The following NF1 variants were observed in gnomAD, a reference collection of about 807,000 sequenced individuals.
NF1 encodes the protein neurofibromin.
In NF1, 122 loss-of-function variants were observed where a neutral mutation model predicts 325.7. That is an observed-to-expected ratio of 0.37 (90% CI 0.32 to 0.44). The LOEUF (loss-of-function observed/expected upper bound fraction) is 0.44. Among genes scored for constraint, NF1 ranks in the 20% least tolerant of loss-of-function variants. NF1 has a pLI of 1.00. For missense variants in NF1, 2,140 were observed against 3,415.4 expected, an observed-to-expected ratio of 0.63 and a Z score of 9.31; for synonymous variants, 1,091 against 1,186.0, an observed-to-expected ratio of 0.92 and a Z score of 1.65.
intron 4 of NF1, among the ~76,000 whole-genome samples, chr17:31,168,623 A>G (rs1490072958): frequency 6.6e-6 from 1 of 151,878 alleles, no homozygotes; most frequent in Non-Finnish European, 1.5e-5. Context: ...GTTTCATTGG[A>G]TTCACGTTCA....
intron 1 of NF1, among the ~76,000 whole-genome samples, chr17:31,131,358 G>T (rs1217549500): frequency 6.6e-6 from 1 of 152,206 alleles, no homozygotes; most frequent in Non-Finnish European, 1.5e-5. Flanking sequence ...AGAGTGGGTT[G>T]CTGCTTCCCT....
rs764291252 is a variant in NF1, at chr17:31,334,976, A to G, written c.5951A>G (p.Asn1984Ser). ...ILDKLITMTI[N>S]EKQMYPSIQA... The stretch of plus-strand genomic sequence containing the variant: ...GACAAGCTGATAACAATGACCATCA[A>G]TGAAAAACAGATGTACCCATCTATT... The change falls in exon 40 of 58, where the codon AAT (asparagine) becomes AGT (serine). Residue 1984 changes from asparagine (N) to serine (S), a missense_variant. By Grantham distance (46) the Asn-to-Ser change is conservative. Around this residue, in one of 10 missense-constraint regions of NF1, gnomAD observed 180 missense variants for 435.1 expected, o/e 0.41. Transcript: ENST00000358273. The G allele has an allele frequency of 2.3e-5, 37 of 1,613,600 alleles. No homozygotes were observed. Among genetic ancestry groups the G allele is most frequent in the African/African-American group, 4.0e-5 (3 of 74,788 alleles).
chr17:31,367,409 A>C, intron 57 of NF1: 1 of 416,992 alleles, frequency 2.4e-6, no homozygotes, highest in South Asian at 2.3e-5. Context: ...GGAACTTGTA[A>C]AGCCACCACT....
chr17:31,158,958 T>G (rs564438272), intron 2 of NF1, 52 bp from the exon 3 acceptor site: 1 of 1,069,374 alleles, frequency 9.4e-7, no homozygotes, highest in South Asian at 1.3e-5. Context: ...GTGTGTTGAT[T>G]GGTAGCAGAA....
chr17:31,355,039 C>T (rs554655257), intron 51 of NF1, among the ~76,000 whole-genome samples: 4 of 152,224 alleles, frequency 2.6e-5, no homozygotes, highest in African/African-American at 4.8e-5. Flanking sequence ...GATATATTTT[C>T]AAGACATCTA....
At chr17:31,307,894 G>T (rs766071213) in intron 36 of NF1, 32 of 1,288,906 alleles carry the variant, frequency 2.5e-5, no homozygotes, top group Non-Finnish European at 1.0e-5. Context: ...TACCTTTTCA[G>T]CATATCTAAA....
chr17:31,159,263 T>A (rs1449112773), intron 3 of NF1, among the ~76,000 whole-genome samples, 170 bp downstream of exon 3: 1 of 152,214 alleles, frequency 6.6e-6, no homozygotes. Flanking sequence ...CAATTTTTCA[T>A]GAGAAAATTT....
intron 1 of NF1, among the ~76,000 whole-genome samples, chr17:31,103,399 C>T (rs552064796): frequency 6.6e-6 from 1 of 152,240 alleles, no homozygotes; most frequent in East Asian, 1.9e-4. Flanking sequence ...TGTGCCACCA[C>T]ACCCAGCTAA....
chr17:31,239,551 G>GT lies in NF1; in HGVS notation c.3974+3530_3974+3531insT, dbSNP rs367935654. On this transcript the variant is annotated intron_variant, in intron 29 of 57. Coordinates refer to ENST00000358273, the MANE Select transcript of NF1 (RefSeq NM_001042492.3). ...CAAAGAGCAATACCTAAAGCAAGAT[G>GT]GGGGGAGGAATCAGAAATCAATGAA... Among the ~76,000 whole-genome samples, 670 of 74,004 alleles carry GT rather than the reference G, an allele frequency of 9.1e-3. 16 individuals are homozygous for GT. Among genetic ancestry groups the GT allele is most frequent in the African/African-American group, 0.08 (641 of 7,966 alleles). 48.5% of individuals were successfully genotyped at this position (74,004 alleles called of 152,430 possible).
intron 39 of NF1, among the ~76,000 whole-genome samples, chr17:31,334,213 TGTGAACCC>T (rs1490998473): frequency 1.2e-4 from 5 of 42,584 alleles, no homozygotes; most frequent in Non-Finnish European, 3.9e-4. Flanking sequence ...GGTGTGAACC[TGTGAACCC>T]GGGAGGCGGA....
intron 51 of NF1, among the ~76,000 whole-genome samples, chr17:31,355,182 A>T (rs1886428016): frequency 6.6e-6 from 1 of 152,228 alleles, no homozygotes; most frequent in African/African-American, 2.4e-5. Flanking sequence ...TTCCAGGAAG[A>T]ATGCAGAGAA....
intron 1 of NF1, among the ~76,000 whole-genome samples, chr17:31,096,141 C>CCCT (rs1555594770): frequency 3.5e-5 from 5 of 144,608 alleles, no homozygotes; most frequent in African/African-American, 1.3e-4. Flanking sequence ...TCCCCCCCCC[C>CCCT]TTTTTTTTTT....
At chr17:31,258,977 A>G (rs1206012291) in intron 32 of NF1, 55 bp from the exon 33 acceptor site, 3 of 1,200,750 alleles carry the variant, frequency 2.5e-6, no homozygotes, top group African/African-American at 3.0e-5. Flanking sequence ...GTCTTAATGT[A>G]TAGACTTCAT....
Position 31,221,861 on chromosome 17 carries a change from T to G in NF1, c.1653T>G (p.Val551=). 1 of 1,605,828 alleles carries G rather than the reference T, an allele frequency of 6.2e-7. No homozygotes were observed. The highest frequency in any genetic ancestry group is 8.5e-7 in the Non-Finnish European group (1 of 1,178,660). Residue 551 remains valine (V), a synonymous_variant, in exon 15 of 58, where the codon GTT becomes GTG. Transcript: ENST00000358273. ...IAQEAMEALL[V]LHQLDSIDLW... ...TTTAAAAAATTCAGGCTCTGCTGGT[T>G]CTTCATCAGTTAGATAGCATTGATT...
intron 8 of NF1, among the ~76,000 whole-genome samples, chr17:31,194,416 G>T (rs1281730978): frequency 2.0e-5 from 3 of 151,936 alleles, no homozygotes; most frequent in African/African-American, 7.3e-5. Context: ...GGAACGATTT[G>T]TTAAAGGATT....
chr17:31,142,419 C>CAATG (rs1916284198), intron 1 of NF1, among the ~76,000 whole-genome samples: 1 of 152,168 alleles, frequency 6.6e-6, no homozygotes, highest in African/African-American at 2.4e-5. Flanking sequence ...CTCTCAAATA[C>CAATG]AATGACCTCA....
At chr17:31,269,520 A>G (rs1438875910) in intron 36 of NF1, among the ~76,000 whole-genome samples, 1 of 152,218 alleles carries the variant, frequency 6.6e-6, no homozygotes, top group African/African-American at 2.4e-5. Flanking sequence ...CAGAAATGCA[A>G]TTCAAATTTA....
intron 36 of NF1, among the ~76,000 whole-genome samples, chr17:31,302,825 A>T (rs1225598571): frequency 2.0e-5 from 3 of 152,190 alleles, no homozygotes. Context: ...AGCGTGGGCG[A>T]CAGAGTGAGA....
chr17:31,109,537 C>T (rs561358264), intron 1 of NF1, among the ~76,000 whole-genome samples: 6 of 152,154 alleles, frequency 3.9e-5, no homozygotes, highest in South Asian at 2.1e-4. Context: ...GCACCTGTCA[C>T]GATGCCCGGC....
Sources: allele counts gnomAD v4.1 joint callset (sites outside exome capture counted in the v4.1 genomes callset), GRCh38; gene constraint gnomAD v4.1.1; regional missense constraint gnomAD v4.1.1; transcripts MANE v1.5; gene names NCBI Gene and HGNC (gene_info 2026-07-23, HGNC 2026-07-21).